The following CYP26C1 variants were observed in gnomAD, a reference collection of about 807,000 sequenced individuals.
CYP26C1 encodes cytochrome P450 26C1.
CYP26C1 carries 41 observed loss-of-function variants against 39.1 expected under a neutral mutation model. The ratio of observed to expected loss-of-function variants is 1.05; its 90% CI spans 0.82 to 1.36. The LOEUF (loss-of-function observed/expected upper bound fraction) is 1.36. Among genes scored for constraint, CYP26C1 ranks in the 40% most tolerant of loss-of-function variants. CYP26C1 has a pLI of 0.00. For missense variants in CYP26C1, 833 were observed against 752.0 expected, an observed-to-expected ratio of 1.11 and a Z score of -1.26; for synonymous variants, 362 against 350.8, an observed-to-expected ratio of 1.03 and a Z score of -0.36.
chr10:93,061,075 T>C lies in CYP26C1; in HGVS notation c.-189T>C. 1 of 616,532 alleles carries C rather than the reference T, an allele frequency of 1.6e-6. No individual in the cohort carries two copies. The highest frequency in any genetic ancestry group is 2.8e-6 in the Non-Finnish European group (1 of 362,932). 38.2% of individuals were successfully genotyped at this position (616,532 alleles called of 1,614,324 possible). ...ACGTTCCCTAAGGGCGCACGGTCAC[T>C]GCAGTCTTTCACCGTCCGTCTGTTT... is the stretch of plus-strand genomic sequence containing the variant. On this transcript the variant is annotated 5_prime_UTR_variant, in exon 1 of 6. Transcript: ENST00000651965.
At chr10:93,062,675 A>G in intron 2 of CYP26C1, 45 bp from the exon 3 acceptor site, 6 of 1,380,260 alleles carry the variant, frequency 4.3e-6, no homozygotes, top group Non-Finnish European at 4.7e-6. Flanking sequence ...CGCCAAGCAG[A>G]TGAGGCCAGA....
At position 93,062,224 on chromosome 10, in the gene CYP26C1, G is replaced by T. The variant is rs1160620773; in HGVS notation, c.419G>T (p.Arg140Leu). 17 of 1,522,934 alleles carry T rather than the reference G, an allele frequency of 1.1e-5. No homozygotes were observed. In the South Asian group the frequency reaches 1.8e-4, roughly 16 times the overall value. 94.3% of individuals were successfully genotyped at this position (1,522,934 alleles called of 1,614,324 possible). ...LLGAVGEPHR[R>L]RRKVLARVFS... Reference sequence around the variant, plus strand: ...GGTGCGGTCGGCGAGCCGCACCGGCGGCGGCGCAAGGTGAGTGGAAACGGG... The same window carrying T: ...GGTGCGGTCGGCGAGCCGCACCGGCTGCGGCGCAAGGTGAGTGGAAACGGG... Residue 140 changes from arginine to leucine, a missense_variant, in exon 2 of 6, where the codon CGG becomes CTG. Arg to Leu is a moderately radical substitution (Grantham distance 102). Coordinates refer to ENST00000651965, the MANE Select transcript of CYP26C1 (RefSeq NM_183374.3).
intron 2 of CYP26C1, 77 bp downstream of exon 2, chr10:93,062,311 C>A: frequency 7.0e-7 from 1 of 1,426,564 alleles, no homozygotes; most frequent in Non-Finnish European, 9.3e-7. Flanking sequence ...AGGCCGGGGC[C>A]CCGGTGTTGG....
intron 2 of CYP26C1, among the ~76,000 whole-genome samples, chr10:93,062,516 T>C (rs1023040586): frequency 4.2e-4 from 64 of 152,280 alleles, no homozygotes; most frequent in African/African-American, 1.4e-3. Context: ...TTAGAGGAGA[T>C]GGCAGCTGGA....
chr10:93,066,528 C>G (rs1297506446), intron 5 of CYP26C1, among the ~76,000 whole-genome samples: 1 of 152,252 alleles, frequency 6.6e-6, no homozygotes, highest in Non-Finnish European at 1.5e-5. Context: ...GGTTAGGGAT[C>G]TCGTACCCTT....
At chr10:93,064,307 G>A in intron 3 of CYP26C1, 74 bp from the exon 4 acceptor site, 1 of 1,514,372 alleles carries the variant, frequency 6.6e-7, no homozygotes, top group South Asian at 1.3e-5. Context: ...TGCTGAGAAG[G>A]TTTTCTGGGT....
Position 93,064,470 on chromosome 10 carries a change from T to C in CYP26C1, c.795T>C (p.Asp265=), listed in dbSNP as rs372605297. The change falls in exon 4 of 6, where the codon GAT becomes GAC. Residue 265 remains aspartate (D), a synonymous_variant. Transcript: ENST00000651965. ...LHEDKAAEPG[D]ALDLIIHSAR... is the part of the protein sequence containing the mutation. ...AGGACAAGGCTGCAGAGCCGGGTGA[T>C]GCCCTCGACCTAATCATTCACAGTG... 3.7e-6 allele frequency: 6 copies of C among 1,614,162 alleles called. No homozygotes were observed. The South Asian group carries it at 5.5e-5, about 15-fold the overall frequency.
rs1846737744 is a variant in CYP26C1 at position 93,060,965 on chromosome 10, G to GGGGA, written c.-299_-298insGGGA. The GGGGA allele has an allele frequency of 2.4e-6, 1 of 424,030 alleles. No homozygotes were observed. The highest frequency in any genetic ancestry group is 4.6e-5 in the Admixed American group (1 of 21,884). 26.3% of individuals were successfully genotyped at this position (424,030 alleles called of 1,614,324 possible). A position where few individuals can be genotyped will look rare whatever the true frequency, so the allele number is the denominator to read the frequency against. On this transcript the variant is annotated 5_prime_UTR_variant, in exon 1 of 6. Coordinates refer to ENST00000651965, the MANE Select transcript of CYP26C1 (RefSeq NM_183374.3). ...CGCGGAGCCGGGAGTGAGCGTTCCC[G>GGGGA]AGGCAGCAGGCACCTTCGAGAGGGA...
At chr10:93,066,531 G>T (rs1387998197) in intron 5 of CYP26C1, among the ~76,000 whole-genome samples, 3 of 152,230 alleles carry the variant, frequency 2.0e-5, no homozygotes, top group Non-Finnish European at 2.9e-5. Flanking sequence ...TAGGGATCTC[G>T]TACCCTTCAG....
In CYP26C1 at chr10:93,066,287, T is replaced by C; in HGVS notation, c.1191+2T>C. ...GCCCTGCGCACCTTCGAGCTCGACG[T>C]AAGTGCGCCGTGCCAGCCCATGGCC... On this transcript the variant is annotated splice_donor_variant, in intron 5 of 5. Transcript: ENST00000651965. LOFTEE classifies it high-confidence loss of function. 7.3e-7 allele frequency: 1 copy of C among 1,370,570 alleles called. No individual in the cohort carries two copies. Among genetic ancestry groups the C allele is most frequent in the Non-Finnish European group, 9.4e-7 (1 of 1,060,842 alleles). The allele number at this position is 1,370,570 out of a possible 1,614,324, so 84.9% of individuals were successfully genotyped here.
Position 93,061,248 on chromosome 10 carries a change from C to T in CYP26C1, c.-16C>T. On this transcript the variant is annotated 5_prime_UTR_variant, in exon 1 of 6. Coordinates refer to ENST00000651965, the MANE Select transcript of CYP26C1 (RefSeq NM_183374.3). ...TCTCCCTGCGCTCTGAGCGGCCTGG[C>T]CCCCGCGGGCTCATCATGTTCCCTT... The T allele has an allele frequency of 2.6e-6, 4 of 1,553,046 alleles. No individual in the cohort carries two copies. Among genetic ancestry groups the T allele is most frequent in the Non-Finnish European group, 3.5e-6 (4 of 1,151,422 alleles).
rs1480000528 is a variant in CYP26C1, at chr10:93,061,487, C to T, written c.204+20C>T. On this transcript the variant is annotated intron_variant, in intron 1 of 5. Transcript: ENST00000651965. Reference sequence around the variant, plus strand: ...GTTCAGGTGAGCAGTCCTTCGACCCCGAGCGCTAATACGGTCCCTTCTTCC... The same window carrying T: ...GTTCAGGTGAGCAGTCCTTCGACCCTGAGCGCTAATACGGTCCCTTCTTCC... 3 of 1,548,596 alleles carry T rather than the reference C, an allele frequency of 1.9e-6. No individual in the cohort carries two copies. Among genetic ancestry groups the T allele is most frequent in the East Asian group, 2.4e-5 (1 of 40,896 alleles).
chr10:93,063,090 G>A lies in CYP26C1; in HGVS notation c.705+95G>A, dbSNP rs1005207625. 6.4e-5 allele frequency: 94 copies of A among 1,474,098 alleles called. No homozygotes were observed. In the African/African-American group the frequency reaches 1.3e-3, roughly 21 times the overall value. 91.3% of individuals were successfully genotyped at this position (1,474,098 alleles called of 1,614,324 possible). A position where few individuals can be genotyped will look rare whatever the true frequency, so the allele number is the denominator to read the frequency against. ...GGGACGCCCTCGGCGCACCCCGCGC[G>A]TCCGTCACCTCTGCTGGGAACGGCG... On this transcript the variant is annotated intron_variant, in intron 3 of 5. Coordinates refer to ENST00000651965, the MANE Select transcript of CYP26C1 (RefSeq NM_183374.3).
In CYP26C1 at chr10:93,066,252, C is replaced by CT. The variant is rs1846826240; in HGVS notation, c.1159dup (p.Tyr387LeufsTer24). The CT allele has an allele frequency of 6.8e-7, 1 of 1,463,328 alleles. No homozygotes were observed. Among genetic ancestry groups the CT allele is most frequent in the Admixed American group, 2.3e-5 (1 of 44,014 alleles). 90.6% of individuals were successfully genotyped at this position (1,463,328 alleles called of 1,614,324 possible). A position where few individuals can be genotyped will look rare whatever the true frequency, so the allele number is the denominator to read the frequency against. Reference sequence around the variant, plus strand: ...GCCTCCTGCCGCCAGTGTCCGGGGGCTACCGCACCGCCCTGCGCACCTTCG... The same window carrying CT: ...GCCTCCTGCCGCCAGTGTCCGGGGGCTTACCGCACCGCCCTGCGCACCTTCG... On this transcript the variant is annotated frameshift_variant, in exon 5 of 6. Coordinates refer to ENST00000651965, the MANE Select transcript of CYP26C1 (RefSeq NM_183374.3). LOFTEE classifies it high-confidence loss of function.
chr10:93,062,827 C>T lies in CYP26C1; in HGVS notation c.537C>T (p.Val179=), dbSNP rs565654677. Residue 179 remains valine (V), a synonymous_variant, in exon 3 of 6, where the codon GTC becomes GTT. Transcript: ENST00000651965. ...CCTGGTGCGCGGCGGGCGGGCCGGT[C>T]TCAGTCTACGACGCCTCCAAAGCGC... The part of the protein sequence containing the change: ...VRSWCAAGGP[V]SVYDASKALT... 3 of 1,577,194 alleles carry T rather than the reference C, an allele frequency of 1.9e-6. No homozygotes were observed. Among genetic ancestry groups the T allele is most frequent in the South Asian group, 2.3e-5 (2 of 88,282 alleles).
At chr10:93,065,507 C>T (rs575474156) in intron 4 of CYP26C1, among the ~76,000 whole-genome samples, 1 of 152,312 alleles carries the variant, frequency 6.6e-6, no homozygotes, top group African/African-American at 2.4e-5. Context: ...GGCCGCACCA[C>T]CAGGTGGTGA....
Position 93,062,204 on chromosome 10 carries a change from G to C in CYP26C1, c.399G>C (p.Ala133=). The C allele has an allele frequency of 6.6e-7, 1 of 1,526,346 alleles. No homozygotes were observed. The highest frequency in any genetic ancestry group is 1.2e-5 in the South Asian group (1 of 83,546). The allele number at this position is 1,526,346 out of a possible 1,614,324, so 94.6% of individuals were successfully genotyped here. ...ILLGSHTLLG[A]VGEPHRRRRK... ...TGGGCTCGCACACACTGCTAGGTGC[G>C]GTCGGCGAGCCGCACCGGCGGCGGC... Residue 133 remains alanine, a synonymous_variant, in exon 2 of 6, where the codon GCG becomes GCC. Coordinates refer to ENST00000651965, the MANE Select transcript of CYP26C1 (RefSeq NM_183374.3).
At chr10:93,064,661 T>C in intron 4 of CYP26C1, 125 bp downstream of exon 4, 1 of 1,476,944 alleles carries the variant, frequency 6.8e-7, no homozygotes, top group African/African-American at 1.4e-5. Flanking sequence ...GTCCTCAAGA[T>C]GAGGGGCAAG....
intron 5 of CYP26C1, among the ~76,000 whole-genome samples, chr10:93,066,965 T>C (rs1341477113): frequency 6.6e-6 from 1 of 152,236 alleles, no homozygotes; most frequent in African/African-American, 2.4e-5. Flanking sequence ...GGGTCCGGGC[T>C]GTGGGGGTAC....
Sources: gnomAD v4.1 joint callset for allele counts (sites outside exome capture counted in the v4.1 genomes callset) on GRCh38, gnomAD v4.1.1 for gene constraint, MANE v1.5 for transcripts, NCBI Gene and HGNC (gene_info 2026-07-23, HGNC 2026-07-21) for gene names.